The following BPIFB4 variants were observed in gnomAD, a reference collection of about 807,000 sequenced individuals.
BPIFB4 encodes the protein BPI fold-containing family B member 4.
BPIFB4 carries 62 observed loss-of-function variants against 69.2 expected under a neutral mutation model. That is an observed-to-expected ratio of 0.90 (90% confidence interval 0.73 to 1.11). The LOEUF (loss-of-function observed/expected upper bound fraction) is 1.11, where lower values mean the gene tolerates loss of function less well. Ranked by LOEUF, BPIFB4 falls within the 50% of genes least tolerant of loss-of-function variation. The pLI is 0.00. For missense variants in BPIFB4, 789 were observed against 792.0 expected (o/e 1.00, Z 0.04); for synonymous variants, 330 against 332.7 (o/e 0.99, Z 0.09).
chr20:33,082,751 G>T (rs1348756767), intron 3 of BPIFB4, among the ~76,000 whole-genome samples, 187 bp from the exon 4 acceptor site: 2 of 152,174 alleles, frequency 1.3e-5, no homozygotes, highest in Non-Finnish European at 1.5e-5. Context: ...ACAAAACCCA[G>T]CAGAAAATGA....
At position 33,083,828 on chromosome 20, in the gene BPIFB4, G is replaced by A. The variant is rs779744515; in HGVS notation, c.631G>A (p.Val211Met). Residue 211 changes from valine (V) to methionine (M), a missense_variant, in exon 5 of 18, where the codon GTG (valine) becomes ATG (methionine). Val to Met is a conservative substitution (Grantham distance 21, BLOSUM62 1). This residue lies in a region of BPIFB4 where 611 missense variants were observed against 575.4 expected (regional missense o/e 1.06). Coordinates refer to ENST00000375483, the MANE Select transcript of BPIFB4 (RefSeq NM_182519.3). ...GLLGGGGVLGVLGEGGILSTV... is the reference protein window; with the variant it reads ...GLLGGGGVLGMLGEGGILSTV... ...TCTTGGAGGAGGGGGTGTCCTGGGC[G>A]TGCTCGGCGAGGGTGGCATCCTCAG... 20 of 1,613,312 alleles carry A rather than the reference G, an allele frequency of 1.2e-5. No individual in the cohort carries two copies. Among genetic ancestry groups the A allele is most frequent in the Middle Eastern group, 1.7e-4 (1 of 6,036 alleles).
Position 33,107,769 on chromosome 20 carries a change from C to A in BPIFB4, c.1770C>A (p.Leu590=). 2 of 1,614,144 alleles carry A rather than the reference C, an allele frequency of 1.2e-6. No homozygotes were observed. Among genetic ancestry groups the A allele is most frequent in the South Asian group, 2.2e-5 (2 of 91,082 alleles). Reference sequence around the variant, plus strand: ...CTGTGCTGGGTTCTGGCGTCCCTCTCCCCAAAATCCTCAACATCGACTTTA... The same window carrying A: ...CTGTGCTGGGTTCTGGCGTCCCTCTACCCAAAATCCTCAACATCGACTTTA... The part of the protein sequence containing the change: ...MNAVLGSGVP[L]PKILNIDFSN... Residue 590 remains leucine (L), a synonymous_variant, in exon 17 of 18, where the codon CTC becomes CTA. Transcript: ENST00000375483.
chr20:33,081,759 C>A, intron 3 of BPIFB4, 127 bp downstream of exon 3: 1 of 1,450,360 alleles, frequency 6.9e-7, no homozygotes. Context: ...GAATTCTACT[C>A]TCTGGGCCTT....
At chr20:33,084,428 A>G (rs977274020) in intron 5 of BPIFB4, among the ~76,000 whole-genome samples, 1 of 152,244 alleles carries the variant, frequency 6.6e-6, no homozygotes, top group African/African-American at 2.4e-5. Context: ...CAGTTTCAAC[A>G]GTGGCAAGAA....
chr20:33,099,696 AGTCCT>A (rs1981853830), intron 13 of BPIFB4, among the ~76,000 whole-genome samples: 1 of 151,996 alleles, frequency 6.6e-6, no homozygotes, highest in Non-Finnish European at 1.5e-5. Context: ...CATACCCTTC[AGTCCT>A]CAGTCCAAAC....
chr20:33,087,852 A>C (rs1981480323), intron 7 of BPIFB4, among the ~76,000 whole-genome samples: 2 of 152,270 alleles, frequency 1.3e-5, no homozygotes, highest in South Asian at 4.1e-4. Context: ...TCCACTTAAA[A>C]GGGGGACCGA....
In BPIFB4 at chr20:33,103,949, T is replaced by A. The variant is rs573214695; in HGVS notation, c.1681-861T>A. Among the ~76,000 whole-genome samples the A allele has an allele frequency of 5.3e-5, 8 of 152,340 alleles. No homozygotes were observed. The South Asian group carries it at 1.7e-3, about 32-fold the overall frequency. ...AGCTATCGAGATGGGCCCTAGGCAC[T>A]GAATTATGCTTTTTTTTCTCTTTTA... On this transcript the variant is annotated intron_variant, in intron 15 of 17. Transcript: ENST00000375483.
At chr20:33,091,330 G>A (rs1394085406) in intron 10 of BPIFB4, among the ~76,000 whole-genome samples, 6 of 152,232 alleles carry the variant, frequency 3.9e-5, no homozygotes, top group Non-Finnish European at 8.8e-5. Context: ...TCCCATCATG[G>A]ACAGCTTCAA....
Position 33,111,553 on chromosome 20 carries a change from C to T in BPIFB4, c.*116C>T. The T allele has an allele frequency of 7.7e-7, 1 of 1,300,990 alleles. No homozygotes were observed. Among genetic ancestry groups the T allele is most frequent in the Non-Finnish European group, 1.1e-6 (1 of 917,398 alleles). The allele number at this position is 1,300,990 out of a possible 1,614,324, so 80.6% of individuals were successfully genotyped here. On this transcript the variant is annotated 3_prime_UTR_variant, in exon 18 of 18. Transcript: ENST00000375483. ...CCCTCAGCCTCCATGACAGGTCCCT[C>T]CCTGGCCCCCCAACCCTCTTCCTCC...
At position 33,081,497 on chromosome 20, in the gene BPIFB4, C is replaced by A; in HGVS notation, c.-15-15C>A. The A allele has an allele frequency of 6.4e-7, 1 of 1,551,258 alleles. No homozygotes were observed. The highest frequency in any genetic ancestry group is 8.7e-7 in the Non-Finnish European group (1 of 1,146,870). On this transcript the variant is annotated splice_polypyrimidine_tract_variant and intron_variant, in intron 2 of 17. Coordinates refer to ENST00000375483, the MANE Select transcript of BPIFB4 (RefSeq NM_182519.3). Reference sequence around the variant, plus strand: ...GCGCCCAGCCACATCTGCATCTGCACTTTCTCCTCCACAGGGAAGCAGTGC... The same window carrying A: ...GCGCCCAGCCACATCTGCATCTGCAATTTCTCCTCCACAGGGAAGCAGTGC...
chr20:33,089,069 T>A, intron 8 of BPIFB4, 40 bp downstream of exon 8: 1 of 1,613,318 alleles, frequency 6.2e-7, no homozygotes, highest in East Asian at 2.2e-5. Flanking sequence ...GGGCACAGGC[T>A]TCCCCCAGAC....
At chr20:33,102,318 C>G (rs1041008591) in intron 14 of BPIFB4, among the ~76,000 whole-genome samples, 3 of 152,226 alleles carry the variant, frequency 2.0e-5, no homozygotes, top group Non-Finnish European at 4.4e-5. Context: ...TGAACAGCCC[C>G]GAACGATTTC....
At chr20:33,101,686 C>G (rs1488911608) in intron 14 of BPIFB4, among the ~76,000 whole-genome samples, 1 of 152,144 alleles carries the variant, frequency 6.6e-6, no homozygotes, top group Non-Finnish European at 1.5e-5. Flanking sequence ...GCTGAGATTA[C>G]AGGCATGCAC....
intron 16 of BPIFB4, among the ~76,000 whole-genome samples, chr20:33,105,989 C>A (rs1442398745): frequency 6.6e-6 from 1 of 152,122 alleles, no homozygotes; most frequent in African/African-American, 2.4e-5. Context: ...TAAAGCAGTC[C>A]CACAAAATAC....
intron 13 of BPIFB4, among the ~76,000 whole-genome samples, chr20:33,099,038 G>A (rs962528874): frequency 3.3e-5 from 5 of 151,228 alleles, no homozygotes; most frequent in African/African-American, 4.9e-5. Flanking sequence ...GAGACCCTAG[G>A]CTACGGTCTA....
intron 1 of BPIFB4, among the ~76,000 whole-genome samples, chr20:33,079,938 T>C (rs1044018651): frequency 2.0e-5 from 3 of 152,204 alleles, no homozygotes; most frequent in Non-Finnish European, 4.4e-5. Flanking sequence ...CCCAGGGACG[T>C]TGGGTACCGA....
intron 15 of BPIFB4, 133 bp downstream of exon 15, chr20:33,103,147 C>A: frequency 1.0e-6 from 1 of 974,622 alleles, no homozygotes; most frequent in Non-Finnish European, 1.6e-6. Context: ...CCCGTCAACA[C>A]TATCAGCCCT....
intron 16 of BPIFB4, among the ~76,000 whole-genome samples, chr20:33,105,332 T>A (rs1982018006): frequency 6.6e-6 from 1 of 152,212 alleles, no homozygotes; most frequent in Non-Finnish European, 1.5e-5. Context: ...AATACATTCT[T>A]ATTGTGAAAA....
At position 33,092,678 on chromosome 20, in the gene BPIFB4, G is replaced by C. The variant is rs370950133; in HGVS notation, c.1344+20G>C. The C allele has an allele frequency of 3.1e-6, 5 of 1,593,496 alleles. No individual in the cohort carries two copies. In the African/African-American group the frequency reaches 4.0e-5, roughly 13 times the overall value. On this transcript the variant is annotated intron_variant, in intron 11 of 17. Coordinates refer to ENST00000375483, the MANE Select transcript of BPIFB4 (RefSeq NM_182519.3). ...GGCATGGTGAGTCACAGCCCCACCA[G>C]GGGGAGGTGGCTGGGCAGCAGACAG...
Sources: gnomAD v4.1 joint callset for allele counts (sites outside exome capture counted in the v4.1 genomes callset) on GRCh38, gnomAD v4.1.1 for gene constraint, gnomAD v4.1.1 regional missense constraint, MANE v1.5 for transcripts, NCBI Gene and HGNC (gene_info 2026-07-23, HGNC 2026-07-21) for gene names.